RNF43: variants seen among roughly 807,000 people sequenced by gnomAD.
The protein encoded by RNF43 is E3 ubiquitin-protein ligase RNF43.
Under a neutral mutation model 78.4 loss-of-function variants are expected in RNF43, and 37 were observed. That is an observed-to-expected ratio of 0.47 (90% CI 0.36 to 0.62). RNF43 has a LOEUF of 0.62. RNF43 is among the 20% of genes least tolerant of loss of function. The pLI, the probability that RNF43 is intolerant of heterozygous loss-of-function variation, is 0.00. For synonymous variants in RNF43, 347 were observed against 395.0 expected (o/e 0.88, Z 1.44); for missense variants, 774 against 1,007.9 (o/e 0.77, Z 3.14).
chr17:58,373,490 T>C (rs1174789338), intron 2 of RNF43, among the ~76,000 whole-genome samples: 1 of 152,232 alleles, frequency 6.6e-6, no homozygotes, highest in East Asian at 1.9e-4. Flanking sequence ...TATTTCACCA[T>C]AAGGTAGGTG....
In RNF43 at chr17:58,385,410, A is replaced by G. The variant is rs572371286; in HGVS notation, c.253-14377T>C. Among the ~76,000 whole-genome samples, 24 of 152,222 alleles carry G rather than the reference A, an allele frequency of 1.6e-4. No individual in the cohort carries two copies. The South Asian group carries it at 5.0e-3, about 32-fold the overall frequency. ...CCAATAACCTCTCTTAACTTAACCT[A>G]TTTCAGTTAACGGCACCACCATTTT... On this transcript the variant is annotated intron_variant, in intron 2 of 9. Transcript: ENST00000407977.
At chr17:58,371,220 G>T (rs765240034) in intron 2 of RNF43, among the ~76,000 whole-genome samples, 187 bp from the exon 3 acceptor site, 2 of 152,208 alleles carry the variant, frequency 1.3e-5, no homozygotes, top group Non-Finnish European at 2.9e-5. Context: ...TCAGGATGCT[G>T]GGGCCAAGGA....
At chr17:58,398,449 T>A (rs1973728751) in intron 2 of RNF43, among the ~76,000 whole-genome samples, 2 of 152,176 alleles carry the variant, frequency 1.3e-5, no homozygotes, top group Admixed American at 1.3e-4. Flanking sequence ...AGAGAAAAAA[T>A]TCCAGTTAAT....
rs138156406 is a variant in RNF43, at chr17:58,396,427, T to C, written c.252+18899A>G. Among the ~76,000 whole-genome samples the C allele has an allele frequency of 4.0e-3, 605 of 152,282 alleles. 1 individual carries two copies. Among genetic ancestry groups the C allele is most frequent in the Non-Finnish European group, 5.7e-3 (389 of 68,018 alleles). On this transcript the variant is annotated intron_variant, in intron 2 of 9. Coordinates refer to ENST00000407977, the MANE Select transcript of RNF43 (RefSeq NM_017763.6). ...GAAACAGATAAGCCTTAGACAAGGC[T>C]GAAACAGAGGGAAAGAAGTCAGTCT...
chr17:58,402,807 C>T (rs1469587525), intron 2 of RNF43: 1 of 152,132 alleles, frequency 6.6e-6, no homozygotes, highest in East Asian at 1.9e-4. Context: ...CCTTGATTTA[C>T]CTGCCAAGAC....
In RNF43 at chr17:58,398,628, C is replaced by T. The variant is rs139046655; in HGVS notation, c.252+16698G>A. ...ACAAAACACATTTTCAGAAATTCCA[C>T]CCATAGAAATGGAGTCTAGCAATCA... On this transcript the variant is annotated intron_variant, in intron 2 of 9. Transcript: ENST00000407977. Among the ~76,000 whole-genome samples the T allele has an allele frequency of 3.9e-4, 59 of 152,290 alleles. 2 individuals are homozygous for T. In the East Asian group the frequency reaches 0.011, roughly 27 times the overall value.
At chr17:58,380,646 C>T (rs1973293170) in intron 2 of RNF43, among the ~76,000 whole-genome samples, 1 of 152,182 alleles carries the variant, frequency 6.6e-6, no homozygotes, top group African/African-American at 2.4e-5. Context: ...GTGAAAAACA[C>T]CAAAGAAATG....
intron 2 of RNF43, among the ~76,000 whole-genome samples, chr17:58,405,167 T>A (rs1567896103): frequency 7.5e-6 from 1 of 133,972 alleles, no homozygotes; most frequent in Non-Finnish European, 1.5e-5. Context: ...AAGCTCCACC[T>A]CCCGGGTTCA....
intron 2 of RNF43, among the ~76,000 whole-genome samples, chr17:58,403,400 A>T (rs1317256068): frequency 6.6e-6 from 1 of 152,196 alleles, no homozygotes; most frequent in African/African-American, 2.4e-5. Flanking sequence ...TTGGAAGAAA[A>T]TTCTTTGCAG....
Position 58,415,697 on chromosome 17 carries a change from A to G in RNF43, c.-120T>C. ...GAACATTTATGCTTCCGTTTCAGAAAGCCAAGTCGTAGTTTTGGCCCTTCC... is the reference window on the plus strand; with the variant it reads ...GAACATTTATGCTTCCGTTTCAGAAGGCCAAGTCGTAGTTTTGGCCCTTCC... On this transcript the variant is annotated 5_prime_UTR_variant, in exon 2 of 10. Transcript: ENST00000407977. 1 of 1,234,594 alleles carries G rather than the reference A, an allele frequency of 8.1e-7. No homozygotes were observed. Among genetic ancestry groups the G allele is most frequent in the African/African-American group, 1.5e-5 (1 of 66,522 alleles). 76.5% of individuals were successfully genotyped at this position (1,234,594 alleles called of 1,614,324 possible). A position where few individuals can be genotyped will look rare whatever the true frequency, so the allele number is the denominator to read the frequency against.
rs759395323 is a variant in RNF43 at position 58,357,336 on chromosome 17, G to A, written c.2308+132C>T. 1 of 1,139,904 alleles carries A rather than the reference G, an allele frequency of 8.8e-7. No individual in the cohort carries two copies. Among genetic ancestry groups the A allele is most frequent in the Non-Finnish European group, 1.3e-6 (1 of 761,572 alleles). The allele number at this position is 1,139,904 out of a possible 1,614,324, so 70.6% of individuals were successfully genotyped here. ...CATGATACGCTGTCCCGATGGTTAA[G>A]TATTTTGGTTGTCATCTCTGCTGTA... is the stretch of plus-strand genomic sequence containing the variant. On this transcript the variant is annotated intron_variant, in intron 9 of 9. Coordinates refer to ENST00000407977, the MANE Select transcript of RNF43 (RefSeq NM_017763.6). This position sits in a 1 kb window ranked among gnomAD's most constrained non-coding sequence, Gnocchi z 4.5.
At chr17:58,391,723 C>T (rs1410148650) in intron 2 of RNF43, among the ~76,000 whole-genome samples, 2 of 152,168 alleles carry the variant, frequency 1.3e-5, no homozygotes, top group Non-Finnish European at 2.9e-5. Flanking sequence ...CCCTTCCATG[C>T]CTGGCTGGAG....
chr17:58,396,238 C>T (rs554634738), intron 2 of RNF43, among the ~76,000 whole-genome samples: 5 of 152,210 alleles, frequency 3.3e-5, no homozygotes, highest in Non-Finnish European at 1.5e-5. Flanking sequence ...TTTGACTTGA[C>T]AGTGGGCATG....
rs59049928 is a variant in RNF43, at chr17:58,361,073, G to A, written c.688-129C>T. On this transcript the variant is annotated intron_variant, in intron 6 of 9. Transcript: ENST00000407977. ...GCCAGTTGAACATCCTTAGGAGTTC[G>A]TCTCCTCGGAGCTCATATGTGGCTC... 1,847 of 947,712 alleles carry A rather than the reference G, an allele frequency of 1.9e-3. 24 individuals are homozygous for A. In the African/African-American group the frequency reaches 0.029, roughly 15 times the overall value. 58.7% of individuals were successfully genotyped at this position (947,712 alleles called of 1,614,324 possible).
intron 3 of RNF43, among the ~76,000 whole-genome samples, chr17:58,365,944 C>T (rs1456667514): frequency 6.6e-6 from 1 of 152,134 alleles, no homozygotes; most frequent in African/African-American, 2.4e-5. Flanking sequence ...TGCAATTCTG[C>T]CTCTTACTTG....
In RNF43 at chr17:58,366,662, C is replaced by T. The variant is rs115494309; in HGVS notation, c.376-3062G>A. 7.2e-3 allele frequency among the ~76,000 whole-genome samples: 1,100 copies of T among 152,348 alleles called. 18 individuals are homozygous for T. The highest frequency in any genetic ancestry group is 0.026 in the African/African-American group (1,068 of 41,574). ...GTGAGACTTGGGTCAAGTCACTTCACTACTCTGTGTCTGTTGTTTTTTTCT... is the reference window on the plus strand; with the variant it reads ...GTGAGACTTGGGTCAAGTCACTTCATTACTCTGTGTCTGTTGTTTTTTTCT... On this transcript the variant is annotated intron_variant, in intron 3 of 9. Transcript: ENST00000407977.
Position 58,358,990 on chromosome 17 carries a change from G to A in RNF43, c.953-167C>T, listed in dbSNP as rs1972771861. 6.6e-6 allele frequency among the ~76,000 whole-genome samples: 1 copy of A among 152,136 alleles called. No homozygotes were observed. The highest frequency in any genetic ancestry group is 1.5e-5 in the Non-Finnish European group (1 of 68,024). ...GCTGCCTGTGCTCTGGGACTCCTTT[G>A]TTCCCTCCAGTCAGGTTGCCTGCCC... On this transcript the variant is annotated intron_variant, in intron 8 of 9. Transcript: ENST00000407977. This position sits in a 1 kb window ranked among gnomAD's most constrained non-coding sequence, Gnocchi z 6.2.
chr17:58,413,535 C>T (rs1974065202), intron 2 of RNF43, among the ~76,000 whole-genome samples: 1 of 151,944 alleles, frequency 6.6e-6, no homozygotes, highest in East Asian at 1.9e-4. Context: ...GATGAAATTC[C>T]CTCTTCACAA....
At chr17:58,368,023 A>G (rs2680698) in intron 3 of RNF43, among the ~76,000 whole-genome samples, 44,782 of 151,948 alleles carry the variant, frequency 0.29, 7,272 homozygotes, top group African/African-American at 0.43. Context: ...TGGCTTAGAG[A>G]GGTGAGCTAA....
Sources: allele counts gnomAD v4.1 joint callset (sites outside exome capture counted in the v4.1 genomes callset), GRCh38; gene constraint gnomAD v4.1.1; non-coding constraint Gnocchi (gnomAD v3.1); transcripts MANE v1.5; gene names NCBI Gene and HGNC (gene_info 2026-07-23, HGNC 2026-07-21).